Variants in WDR70 observed in about 807,000 individuals in gnomAD.
WDR70 encodes WD repeat domain 70.
A neutral mutation model predicts 88.6 loss-of-function variants in WDR70; 53 were observed. That is an observed-to-expected ratio of 0.60 (90% confidence interval 0.48 to 0.75). The LOEUF (loss-of-function observed/expected upper bound fraction) is 0.75, where lower values mean the gene tolerates loss of function less well. Ranked by LOEUF, WDR70 falls within the 30% of genes least tolerant of loss-of-function variation. WDR70 has a pLI of 0.00. For synonymous variants in WDR70, 280 were observed against 270.0 expected, an observed-to-expected ratio of 1.04 and a Z score of -0.36; for missense variants, 610 against 823.2, an observed-to-expected ratio of 0.74 and a Z score of 3.17.
intron 5 of WDR70, among the ~76,000 whole-genome samples, chr5:37,435,444 A>G (rs778425973): frequency 6.6e-5 from 10 of 152,220 alleles, no homozygotes; most frequent in Non-Finnish European, 1.3e-4. Flanking sequence ...GGAATAGTCC[A>G]GAATTTGACC....
intron 5 of WDR70, among the ~76,000 whole-genome samples, chr5:37,409,581 T>G (rs917743284): frequency 6.6e-6 from 1 of 151,732 alleles, no homozygotes; most frequent in Non-Finnish European, 1.5e-5. Context: ...CTCGTCCCCC[T>G]GCAACCTCTG....
At chr5:37,573,929 T>C (rs534726605) in intron 9 of WDR70, among the ~76,000 whole-genome samples, 1 of 152,234 alleles carries the variant, frequency 6.6e-6, no homozygotes, top group Non-Finnish European at 1.5e-5. Context: ...TTCTTGGCTT[T>C]TGTGACTGAT....
At chr5:37,558,527 T>C (rs921034215) in intron 9 of WDR70, among the ~76,000 whole-genome samples, 6 of 151,942 alleles carry the variant, frequency 3.9e-5, no homozygotes, top group East Asian at 3.9e-4. Context: ...GGTTTTGCCA[T>C]GTTGCCCACG....
intron 10 of WDR70, among the ~76,000 whole-genome samples, chr5:37,637,312 G>A (rs896731218): frequency 6.6e-6 from 1 of 150,596 alleles, no homozygotes; most frequent in African/African-American, 2.4e-5. Context: ...GCTACAGAGC[G>A]AGACTCTGTC....
chr5:37,491,130 C>G (rs1453690149), intron 8 of WDR70, among the ~76,000 whole-genome samples: 1 of 152,094 alleles, frequency 6.6e-6, no homozygotes, highest in Non-Finnish European at 1.5e-5. Flanking sequence ...CAGGTATCTA[C>G]AGGGAGAATG....
At chr5:37,448,069 C>T (rs1288523991) in intron 7 of WDR70, among the ~76,000 whole-genome samples, 2 of 152,138 alleles carry the variant, frequency 1.3e-5, no homozygotes, top group Admixed American at 6.5e-5. Flanking sequence ...AGCTTAAGGG[C>T]TGGTGGTGAT....
chr5:37,633,674 G>A lies in WDR70; in HGVS notation c.1092+28436G>A, dbSNP rs530245399. ...ACACATGAAATATGTGTCGCAAAGA[G>A]GAAAATATATTTTAGACATTTCACT... On this transcript the variant is annotated intron_variant, in intron 10 of 17. Transcript: ENST00000265107. 3.3e-5 allele frequency among the ~76,000 whole-genome samples: 5 copies of A among 152,076 alleles called. No homozygotes were observed. The South Asian group carries it at 1.0e-3, about 32-fold the overall frequency.
chr5:37,550,213 A>T (rs929832144), intron 9 of WDR70, among the ~76,000 whole-genome samples: 5 of 152,220 alleles, frequency 3.3e-5, no homozygotes, highest in Admixed American at 2.6e-4. Flanking sequence ...ACCAATTGAA[A>T]TGATCATACG....
At chr5:37,688,347 G>A (rs1746674894) in intron 10 of WDR70, among the ~76,000 whole-genome samples, 2 of 152,162 alleles carry the variant, frequency 1.3e-5, no homozygotes. Context: ...TCCTGGCCCA[G>A]TGCCCTTTTT....
intron 7 of WDR70, among the ~76,000 whole-genome samples, chr5:37,470,126 AAAAC>A (rs1438866054): frequency 2.7e-4 from 2 of 7,472 alleles, no homozygotes; most frequent in South Asian, 0.12. Flanking sequence ...AACAAAAACA[AAAAC>A]AAAAACAAAA....
At position 37,447,575 on chromosome 5, in the gene WDR70, T is replaced by G. The variant is rs577386222; in HGVS notation, c.686+4203T>G. 1.1e-4 allele frequency among the ~76,000 whole-genome samples: 17 copies of G among 152,254 alleles called. No homozygotes were observed. The Middle Eastern group carries it at 0.01, about 91-fold the overall frequency. On this transcript the variant is annotated intron_variant, in intron 7 of 17. Coordinates refer to ENST00000265107, the MANE Select transcript of WDR70 (RefSeq NM_018034.4). Reference sequence around the variant, plus strand: ...ATGATAGACTGGATTAAGAAAATGTTGCACATATACACCATGGAATACTAT... The same window carrying G: ...ATGATAGACTGGATTAAGAAAATGTGGCACATATACACCATGGAATACTAT...
intron 13 of WDR70, among the ~76,000 whole-genome samples, chr5:37,714,340 G>A (rs1336683142): frequency 6.6e-6 from 1 of 152,190 alleles, no homozygotes; most frequent in Non-Finnish European, 1.5e-5. Flanking sequence ...ATGAAGAAAT[G>A]TAAAGGAGCC....
At chr5:37,407,049 A>G (rs552155159) in intron 5 of WDR70, among the ~76,000 whole-genome samples, 22 of 152,354 alleles carry the variant, frequency 1.4e-4, no homozygotes, top group African/African-American at 5.3e-4. Context: ...ACTTTTTCAC[A>G]ATAGGAATAA....
intron 5 of WDR70, among the ~76,000 whole-genome samples, chr5:37,398,016 C>T (rs1270117757): frequency 6.7e-6 from 1 of 150,236 alleles, no homozygotes; most frequent in Non-Finnish European, 1.5e-5. Context: ...AAGATATAAT[C>T]TCCAAAATAC....
intron 8 of WDR70, among the ~76,000 whole-genome samples, chr5:37,484,654 A>G (rs1369874480): frequency 2.6e-5 from 4 of 152,240 alleles, no homozygotes; most frequent in African/African-American, 9.6e-5. Flanking sequence ...ATTAAAGTAT[A>G]TTATATATCA....
intron 9 of WDR70, among the ~76,000 whole-genome samples, chr5:37,546,084 G>T (rs1390307274): frequency 6.6e-6 from 1 of 152,134 alleles, no homozygotes; most frequent in African/African-American, 2.4e-5. Flanking sequence ...GTATTGATCA[G>T]GGAAGAGTTA....
intron 13 of WDR70, among the ~76,000 whole-genome samples, chr5:37,710,373 A>C (rs943235161): frequency 2.6e-5 from 4 of 151,518 alleles, no homozygotes; most frequent in African/African-American, 9.7e-5. Context: ...CCCCTCTTCC[A>C]CCCCCAACTC....
At chr5:37,609,165 G>C (rs1581432727) in intron 10 of WDR70, among the ~76,000 whole-genome samples, 1 of 152,112 alleles carries the variant, frequency 6.6e-6, no homozygotes, top group East Asian at 1.9e-4. Flanking sequence ...TAGGGGGAGA[G>C]GAGAGAGGTA....
intron 10 of WDR70, among the ~76,000 whole-genome samples, chr5:37,635,521 A>G (rs1202927473): frequency 1.3e-5 from 2 of 152,150 alleles, no homozygotes. Context: ...GCAGAATTGG[A>G]TTTGGTAGAA....
Sources: allele counts gnomAD v4.1 joint callset (sites outside exome capture counted in the v4.1 genomes callset), GRCh38; gene constraint gnomAD v4.1.1; transcripts MANE v1.5; gene names NCBI Gene and HGNC (gene_info 2026-07-23, HGNC 2026-07-21).